The following CDYL2 variants were observed in gnomAD, a reference collection of about 807,000 sequenced individuals.
The protein encoded by CDYL2 is chromodomain Y like 2, also known as chromodomain Y-like protein 2.
CDYL2 carries 23 observed loss-of-function variants against 49.4 expected under a neutral mutation model. The observed-to-expected ratio is 0.47, with a 90% CI of 0.34 to 0.66. The LOEUF (loss-of-function observed/expected upper bound fraction) is 0.66, where lower values mean the gene tolerates loss of function less well. Ranked by LOEUF, CDYL2 falls within the 30% of genes least tolerant of loss-of-function variation. CDYL2 has a pLI of 0.01. For missense variants in CDYL2, 678 were observed against 656.4 expected, an observed-to-expected ratio of 1.03 and a Z score of -0.36; for synonymous variants, 360 against 268.8, an observed-to-expected ratio of 1.34 and a Z score of -3.32.
intron 2 of CDYL2, among the ~76,000 whole-genome samples, chr16:80,677,508 G>A (rs922668619): frequency 6.6e-6 from 1 of 152,060 alleles, no homozygotes; most frequent in African/African-American, 2.4e-5. Flanking sequence ...GGAGGCTGAG[G>A]CGGGCGGACC....
chr16:80,787,574 G>A (rs897294330), intron 1 of CDYL2, among the ~76,000 whole-genome samples: 4 of 152,054 alleles, frequency 2.6e-5, no homozygotes, highest in Admixed American at 6.6e-5. Context: ...ACCTAGGACA[G>A]ATATAAAATA....
chr16:80,666,129 G>T (rs1909253064), intron 2 of CDYL2, among the ~76,000 whole-genome samples: 1 of 152,192 alleles, frequency 6.6e-6, no homozygotes, highest in South Asian at 2.1e-4. Flanking sequence ...CCGGACTACA[G>T]AGGTGAAAAG....
At chr16:80,767,028 G>A (rs1015164945) in intron 1 of CDYL2, among the ~76,000 whole-genome samples, 1 of 152,128 alleles carries the variant, frequency 6.6e-6, no homozygotes, top group Non-Finnish European at 1.5e-5. Flanking sequence ...GCTGACACTG[G>A]TCATTGCAGA....
intron 2 of CDYL2, among the ~76,000 whole-genome samples, chr16:80,635,394 A>C (rs539145182): frequency 6.6e-6 from 1 of 152,342 alleles, no homozygotes; most frequent in South Asian, 2.1e-4. Flanking sequence ...TCAACGTGCA[A>C]AAATCACAAG....
At chr16:80,672,798 T>C (rs921491218) in intron 2 of CDYL2, among the ~76,000 whole-genome samples, 1 of 152,174 alleles carries the variant, frequency 6.6e-6, no homozygotes, top group African/African-American at 2.4e-5. Context: ...AAATGTAACA[T>C]CCTTAGCCCA....
chr16:80,718,753 T>C (rs1597096890), intron 1 of CDYL2, among the ~76,000 whole-genome samples: 1 of 152,074 alleles, frequency 6.6e-6, no homozygotes, highest in South Asian at 2.1e-4. Context: ...CCCAGAACAA[T>C]GGGCCAGAGG....
intron 1 of CDYL2, among the ~76,000 whole-genome samples, chr16:80,758,613 G>A (rs1015128223): frequency 7.1e-5 from 10 of 139,924 alleles, no homozygotes; most frequent in South Asian, 4.6e-4. Context: ...CACGATCTCC[G>A]CTCACTGCAA....
chr16:80,726,767 T>C (rs909941487), intron 1 of CDYL2, among the ~76,000 whole-genome samples: 2 of 150,650 alleles, frequency 1.3e-5, no homozygotes, highest in Non-Finnish European at 3.0e-5. Flanking sequence ...GAAGTATCAA[T>C]AGCAACAACA....
intron 1 of CDYL2, among the ~76,000 whole-genome samples, chr16:80,694,839 G>C (rs1395344105): frequency 6.6e-6 from 1 of 152,138 alleles, no homozygotes; most frequent in South Asian, 2.1e-4. Context: ...TAGAAGATCT[G>C]AGAGTGCTAA....
At chr16:80,749,730 T>A (rs968351219) in intron 1 of CDYL2, among the ~76,000 whole-genome samples, 12 of 151,902 alleles carry the variant, frequency 7.9e-5, no homozygotes, top group African/African-American at 2.9e-4. Flanking sequence ...GAAAATTTTT[T>A]TAAAAAAATT....
intron 2 of CDYL2, among the ~76,000 whole-genome samples, chr16:80,634,036 G>C (rs988804322): frequency 2.6e-5 from 4 of 151,774 alleles, no homozygotes; most frequent in African/African-American, 7.3e-5. Context: ...TATAGGAAGA[G>C]GCTCAAATGT....
At chr16:80,786,965 T>C (rs1414163899) in intron 1 of CDYL2, among the ~76,000 whole-genome samples, 1 of 152,030 alleles carries the variant, frequency 6.6e-6, no homozygotes, top group Non-Finnish European at 1.5e-5. Flanking sequence ...AAATACCTAA[T>C]GTAGGTGACG....
At chr16:80,786,918 GGGGGGT>G (rs1950202944) in intron 1 of CDYL2, among the ~76,000 whole-genome samples, 1 of 151,996 alleles carries the variant, frequency 6.6e-6, no homozygotes, top group African/African-American at 2.4e-5. Context: ...CAGGGCCTGT[GGGGGGT>G]GGGGGGCTAG....
At chr16:80,756,664 T>C (rs1025613632) in intron 1 of CDYL2, among the ~76,000 whole-genome samples, 1 of 152,146 alleles carries the variant, frequency 6.6e-6, no homozygotes, top group African/African-American at 2.4e-5. Flanking sequence ...TAACATTTAA[T>C]GACCTTGACA....
At chr16:80,682,314 C>T (rs1386751864) in intron 2 of CDYL2, among the ~76,000 whole-genome samples, 1 of 152,158 alleles carries the variant, frequency 6.6e-6, no homozygotes, top group African/African-American at 2.4e-5. Context: ...ATCAGAGAGA[C>T]AAGAAAGGTC....
chr16:80,746,440 T>C (rs1449558400), intron 1 of CDYL2, among the ~76,000 whole-genome samples: 2 of 152,210 alleles, frequency 1.3e-5, no homozygotes, highest in Admixed American at 6.5e-5. Context: ...TGTTCTCTTC[T>C]TACAGCCAGA....
intron 1 of CDYL2, among the ~76,000 whole-genome samples, chr16:80,686,934 T>C (rs909357969): frequency 4.6e-5 from 7 of 152,234 alleles, no homozygotes; most frequent in Non-Finnish European, 1.0e-4. Context: ...TTTTTAGATA[T>C]AATACACAAA....
chr16:80,616,457 A>T (rs1012750592), intron 4 of CDYL2, among the ~76,000 whole-genome samples: 9 of 152,300 alleles, frequency 5.9e-5, no homozygotes, highest in Admixed American at 3.3e-4. Context: ...ACCCAGCAGC[A>T]AAATTCTGCT....
At chr16:80,764,527 A>G (rs192051728) in intron 1 of CDYL2, among the ~76,000 whole-genome samples, 182 of 152,292 alleles carry the variant, frequency 1.2e-3, no homozygotes, top group Non-Finnish European at 2.2e-3. Context: ...CATTATCAAT[A>G]CTAAAATCTT....
Sources: allele counts gnomAD v4.1 joint callset (sites outside exome capture counted in the v4.1 genomes callset), GRCh38; gene constraint gnomAD v4.1.1; transcripts MANE v1.5; gene names NCBI Gene and HGNC (gene_info 2026-07-23, HGNC 2026-07-21).